Variants in CSMD3 observed in about 807,000 individuals in gnomAD.
CSMD3 encodes the protein CUB and sushi domain-containing protein 3.
In CSMD3, 177 loss-of-function variants were observed where a neutral mutation model predicts 435.2. The ratio of observed to expected loss-of-function variants is 0.41; its 90% CI spans 0.36 to 0.46. The LOEUF (loss-of-function observed/expected upper bound fraction) is 0.46. Ranked by LOEUF, CSMD3 falls within the 20% of genes least tolerant of loss-of-function variation. The probability of loss-of-function intolerance (pLI) is 0.34; values close to 1 mark genes in which losing one functional copy is unlikely to be tolerated. For synonymous variants in CSMD3, 1,656 were observed against 1,520.5 expected, an observed-to-expected ratio of 1.09 and a Z score of -2.07; for missense variants, 4,265 against 4,504.6, an observed-to-expected ratio of 0.95 and a Z score of 1.52.
intron 32 of CSMD3, among the ~76,000 whole-genome samples, chr8:112,438,958 T>A (rs1008204771): frequency 2.0e-5 from 3 of 152,188 alleles, no homozygotes. Flanking sequence ...TTTTAGCCCT[T>A]AGTCATTGTC....
intron 24 of CSMD3, among the ~76,000 whole-genome samples, chr8:112,565,021 TATG>T (rs948566881): frequency 1.2e-4 from 19 of 152,252 alleles, no homozygotes; most frequent in Non-Finnish European, 2.8e-4. Context: ...ACTAAACTTC[TATG>T]ATGTGAAGGC....
chr8:112,661,940 G>T (rs772815560), intron 17 of CSMD3, among the ~76,000 whole-genome samples: 1 of 152,034 alleles, frequency 6.6e-6, no homozygotes, highest in Non-Finnish European at 1.5e-5. Context: ...GGTATTTTGA[G>T]ACTTACCCTG....
intron 22 of CSMD3, among the ~76,000 whole-genome samples, chr8:112,598,105 AT>A (rs1274439838): frequency 1.4e-5 from 2 of 148,010 alleles, no homozygotes; most frequent in Non-Finnish European, 3.0e-5. Context: ...ACATGATTGT[AT>A]ATCTAGAAAA....
At chr8:112,773,400 C>T (rs780413616) in intron 13 of CSMD3, among the ~76,000 whole-genome samples, 14 of 151,970 alleles carry the variant, frequency 9.2e-5, no homozygotes, top group Non-Finnish European at 1.9e-4. Flanking sequence ...TACAATCACT[C>T]TGAGACAAAT....
Position 112,954,753 on chromosome 8 carries a change from C to T in CSMD3, c.1351G>A (p.Ala451Thr). The change falls in exon 8 of 71, where the codon GCC (alanine) becomes ACC (threonine). Residue 451 changes from alanine (A) to threonine (T), a missense_variant. By Grantham distance (58) the Ala-to-Thr change is moderately conservative. Around this residue, in one of 3 missense-constraint regions of CSMD3, gnomAD observed 731 missense variants for 755.4 expected, o/e 0.97. Transcript: ENST00000297405. ...AATCCTCTAGATTTAAAATCTATGG[C>T]CTTTTTCACTAGTTAAGAAAACAAA... ...LAVVTHRVKK[A>T]IDFKSRGFKL... is the part of the protein sequence containing the mutation. The T allele has an allele frequency of 6.4e-7, 1 of 1,556,280 alleles. No homozygotes were observed. The highest frequency in any genetic ancestry group is 1.1e-5 in the South Asian group (1 of 89,702).
intron 1 of CSMD3, among the ~76,000 whole-genome samples, chr8:113,388,300 G>T (rs78832152): frequency 0.013 from 1,956 of 151,528 alleles, 46 homozygotes; most frequent in African/African-American, 0.045. Context: ...GAATATAATG[G>T]AGATATAGGA....
At chr8:113,182,773 T>C (rs72687607) in intron 3 of CSMD3, among the ~76,000 whole-genome samples, 9,843 of 152,062 alleles carry the variant, frequency 0.065, 449 homozygotes, top group Non-Finnish European at 0.095. Context: ...GCTGCAAATA[T>C]TGAATTAGAG....
At chr8:113,345,649 T>C (rs1345912612) in intron 1 of CSMD3, among the ~76,000 whole-genome samples, 3 of 152,194 alleles carry the variant, frequency 2.0e-5, no homozygotes, top group African/African-American at 7.2e-5. Context: ...TTTGTCATTT[T>C]ATAAGGAAGA....
intron 4 of CSMD3, among the ~76,000 whole-genome samples, chr8:113,162,180 A>T (rs1307914491): frequency 6.6e-6 from 1 of 152,132 alleles, no homozygotes. Flanking sequence ...TTTAAGGAAA[A>T]ATGTTAAGCC....
At chr8:112,385,326 T>C (rs1408937197) in intron 36 of CSMD3, among the ~76,000 whole-genome samples, 1 of 152,140 alleles carries the variant, frequency 6.6e-6, no homozygotes, top group African/African-American at 2.4e-5. Context: ...ATTAAATTAG[T>C]TAATTCATAT....
intron 4 of CSMD3, among the ~76,000 whole-genome samples, chr8:113,131,536 C>T (rs2091283478): frequency 6.6e-6 from 1 of 152,072 alleles, no homozygotes; most frequent in Non-Finnish European, 1.5e-5. Flanking sequence ...GGTTTGGGAA[C>T]CTCTGCCCAG....
At chr8:113,099,836 T>C (rs2090278284) in intron 4 of CSMD3, among the ~76,000 whole-genome samples, 1 of 152,104 alleles carries the variant, frequency 6.6e-6, no homozygotes, top group Non-Finnish European at 1.5e-5. Flanking sequence ...ACTATAACAT[T>C]GTTTAGGCCA....
At chr8:113,333,157 G>A (rs1002780759) in intron 1 of CSMD3, among the ~76,000 whole-genome samples, 2 of 151,522 alleles carry the variant, frequency 1.3e-5, no homozygotes, top group Non-Finnish European at 3.0e-5. Context: ...AATTTGAAAG[G>A]TTGTATATAT....
intron 1 of CSMD3, among the ~76,000 whole-genome samples, chr8:113,431,115 G>A (rs570954832): frequency 1.1e-3 from 166 of 152,288 alleles, no homozygotes; most frequent in African/African-American, 3.9e-3. Context: ...TTGCAGGCAT[G>A]GAGGTAGGTA....
At chr8:112,714,718 AAC>A (rs1287195796) in intron 13 of CSMD3, among the ~76,000 whole-genome samples, 3 of 152,212 alleles carry the variant, frequency 2.0e-5, no homozygotes, top group Non-Finnish European at 4.4e-5. Context: ...AATAATAAAA[AAC>A]AGTCTCTCAG....
At chr8:112,793,136 T>A (rs981303221) in intron 13 of CSMD3, among the ~76,000 whole-genome samples, 7 of 147,798 alleles carry the variant, frequency 4.7e-5, no homozygotes, top group Non-Finnish European at 8.9e-5. Flanking sequence ...TATATTAATT[T>A]AATATATTAC....
chr8:113,414,427 C>T (rs964677535), intron 1 of CSMD3, among the ~76,000 whole-genome samples: 60 of 152,164 alleles, frequency 3.9e-4, no homozygotes, highest in African/African-American at 1.3e-3. Flanking sequence ...TTGATCTAGT[C>T]ATTCTCAATG....
At chr8:112,874,431 T>A (rs199999042) in intron 10 of CSMD3, among the ~76,000 whole-genome samples, 1 of 152,064 alleles carries the variant, frequency 6.6e-6, no homozygotes, top group Non-Finnish European at 1.5e-5. Flanking sequence ...TCCGCTTGGT[T>A]CAGAGCTGAG....
At chr8:113,364,972 A>G (rs2094301987) in intron 1 of CSMD3, among the ~76,000 whole-genome samples, 2 of 152,100 alleles carry the variant, frequency 1.3e-5, no homozygotes, top group Admixed American at 6.6e-5. Context: ...AGTACACCAG[A>G]TTGATCAAAC....
Sources: gnomAD v4.1 joint callset for allele counts (sites outside exome capture counted in the v4.1 genomes callset) on GRCh38, gnomAD v4.1.1 for gene constraint, gnomAD v4.1.1 regional missense constraint, MANE v1.5 for transcripts, NCBI Gene and HGNC (gene_info 2026-07-23, HGNC 2026-07-21) for gene names.